The following NOL4L variants were observed in gnomAD, a reference collection of about 807,000 sequenced individuals.
The protein encoded by NOL4L is nucleolar protein 4 like, also known as nucleolar protein 4-like.
A neutral mutation model predicts 64.5 loss-of-function variants in NOL4L; 7 were observed. The ratio of observed to expected loss-of-function variants is 0.11; its 90% CI spans 0.06 to 0.20. The LOEUF is 0.20. NOL4L is among the 10% of genes least tolerant of loss of function. NOL4L has a pLI of 1.00. For missense variants in NOL4L, 680 were observed against 967.1 expected (o/e 0.70, Z 3.94); for synonymous variants, 413 against 401.0 (o/e 1.03, Z -0.36).
In NOL4L at chr20:32,474,709, T is replaced by A; in HGVS notation, c.733A>T (p.Met245Leu). Residue 245 changes from methionine (M) to leucine (L), a missense_variant, in exon 5 of 11, where the codon ATG becomes TTG. By Grantham distance (15) the Met-to-Leu change is conservative (BLOSUM62 2). Transcript: ENST00000621426. ...GCTGACATCCATGTGGAGTCGCTCA[T>A]ATCAAAATCCTCGCTGCTCACAGAA... is the stretch of plus-strand genomic sequence containing the variant. ...ETSVSSEDFD[M>L]SDSTWMSADP... is the part of the protein sequence containing the mutation. The A allele has an allele frequency of 6.2e-7, 1 of 1,613,446 alleles. No homozygotes were observed. The highest frequency in any genetic ancestry group is 8.5e-7 in the Non-Finnish European group (1 of 1,179,758).
intron 3 of NOL4L, among the ~76,000 whole-genome samples, chr20:32,515,678 G>A (rs1404893874): frequency 6.6e-6 from 1 of 152,160 alleles, no homozygotes; most frequent in Non-Finnish European, 1.5e-5. Flanking sequence ...CTTGGACTCT[G>A]AGACACGCCG....
At chr20:32,455,596 G>A (rs916469535) in intron 6 of NOL4L, among the ~76,000 whole-genome samples, 5 of 152,168 alleles carry the variant, frequency 3.3e-5, no homozygotes, top group African/African-American at 9.7e-5. Context: ...CAGGAAGCAG[G>A]GGGGATGCCC....
chr20:32,471,305 A>G (rs1032482368), intron 5 of NOL4L, among the ~76,000 whole-genome samples: 4 of 147,872 alleles, frequency 2.7e-5, no homozygotes, highest in African/African-American at 1.0e-4. Flanking sequence ...GCTCAGAGGC[A>G]TGCTCCTGGG....
chr20:32,447,965 G>T, intron 10 of NOL4L, 149 bp from the exon 11 acceptor site: 1 of 1,075,008 alleles, frequency 9.3e-7, no homozygotes, highest in Non-Finnish European at 1.3e-6. Flanking sequence ...TCTCCCTGAT[G>T]GCTCTATCCC....
chr20:32,536,128 T>C, intron 1 of NOL4L: 3 of 985,620 alleles, frequency 3.0e-6, no homozygotes, highest in Non-Finnish European at 3.6e-6. Context: ...ACCCAAATGA[T>C]GCACAAACAG....
rs778704594 is a variant in NOL4L at position 32,500,352 on chromosome 20, A to ATT, written c.699+10993_699+10994dup. Among the ~76,000 whole-genome samples the ATT allele has an allele frequency of 4.0e-3, 534 of 132,396 alleles. 11 individuals carry two copies. Among genetic ancestry groups the ATT allele is most frequent in the Admixed American group, 0.032 (425 of 13,106 alleles). The allele number at this position is 132,396 out of a possible 152,430, so 86.9% of individuals were successfully genotyped here. A position where few individuals can be genotyped will look rare whatever the true frequency, so the allele number is the denominator to read the frequency against. ...GGTGTAAGCCACCATGCCCAGCCAG[A>ATT]TTTTTTTTTTTTTTTTTTTGAGACG... On this transcript the variant is annotated intron_variant, in intron 4 of 10. Coordinates refer to ENST00000621426, the MANE Select transcript of NOL4L (RefSeq NM_001256798.2).
chr20:32,556,281 G>T (rs1406141328), intron 1 of NOL4L, among the ~76,000 whole-genome samples: 2 of 152,052 alleles, frequency 1.3e-5, no homozygotes, highest in Non-Finnish European at 2.9e-5. Flanking sequence ...TTGTGGGGGG[G>T]GGGGGTTTCC....
At chr20:32,538,974 T>C (rs747406329) in intron 1 of NOL4L, among the ~76,000 whole-genome samples, 9 of 150,584 alleles carry the variant, frequency 6.0e-5, no homozygotes, top group Non-Finnish European at 1.3e-4. Context: ...GAGAGCTGCT[T>C]TTGGGATGAG....
In NOL4L at chr20:32,446,421, GCCCGCC is replaced by G; in HGVS notation, c.*1169_*1174del. The G allele has an allele frequency of 6.6e-6, 1 of 152,462 alleles. No homozygotes were observed. The highest frequency in any genetic ancestry group is 1.9e-4 in the East Asian group (1 of 5,182). The allele number at this position is 152,462 out of a possible 1,614,324, so 9.4% of individuals were successfully genotyped here. A position where few individuals can be genotyped will look rare whatever the true frequency, so the allele number is the denominator to read the frequency against. ...ATGGCGCAAGGGGATGGGAGCTGCA[GCCCGCC>G]CTGGAGCTCACGGCTGCCTGATAGC... On this transcript the variant is annotated 3_prime_UTR_variant, in exon 11 of 11. Transcript: ENST00000621426.
intron 1 of NOL4L, among the ~76,000 whole-genome samples, chr20:32,576,360 A>G (rs1980103205): frequency 6.6e-6 from 1 of 152,172 alleles, no homozygotes; most frequent in African/African-American, 2.4e-5. Flanking sequence ...AGGTAGAACC[A>G]ACAGGATTTG....
chr20:32,461,416 C>CTTTTTT (rs1347135672), intron 5 of NOL4L, among the ~76,000 whole-genome samples: 2 of 61,162 alleles, frequency 3.3e-5, no homozygotes, highest in African/African-American at 1.0e-4. Flanking sequence ...CTCTACCTTT[C>CTTTTTT]TTTTCTTTTT....
chr20:32,583,649 C>G (rs1377952648), intron 1 of NOL4L, among the ~76,000 whole-genome samples: 2 of 149,782 alleles, frequency 1.3e-5, no homozygotes, highest in East Asian at 4.0e-4. Context: ...AGCGGCCGCC[C>G]CCCCCCCAGC....
At chr20:32,521,860 GC>G (rs1182925991) in intron 2 of NOL4L, among the ~76,000 whole-genome samples, 4 of 152,220 alleles carry the variant, frequency 2.6e-5, no homozygotes, top group African/African-American at 9.6e-5. Flanking sequence ...GCTTCCTGGA[GC>G]CTGGGTCCTC....
intron 5 of NOL4L, among the ~76,000 whole-genome samples, chr20:32,466,974 G>A (rs2014607057): frequency 6.6e-6 from 1 of 152,140 alleles, no homozygotes; most frequent in African/African-American, 2.4e-5. Context: ...ATGGGCCCAG[G>A]GGAGGGTGGG....
chr20:32,474,949 G>A (rs2015289542), intron 4 of NOL4L: 1 of 985,266 alleles, frequency 1.0e-6, no homozygotes, highest in Non-Finnish European at 1.2e-6. Flanking sequence ...GGAAGCCAAG[G>A]CTAAGGGCCG....
At chr20:32,545,244 G>C (rs1473412822) in intron 1 of NOL4L, among the ~76,000 whole-genome samples, 1 of 152,146 alleles carries the variant, frequency 6.6e-6, no homozygotes, top group African/African-American at 2.4e-5. Flanking sequence ...CTACACTCCA[G>C]CCTGGGTGAC....
Position 32,527,789 on chromosome 20 carries a change from T to A in NOL4L, c.446A>T (p.Lys149Met). The A allele has an allele frequency of 6.5e-7, 1 of 1,550,304 alleles. No individual in the cohort carries two copies. The highest frequency in any genetic ancestry group is 8.7e-7 in the Non-Finnish European group (1 of 1,146,768). ...GTAGGTTTTCTTCTGCCCAGCGTGC[T>A]TGGGGGCTTTGCCTGGCTCCGCTGA... The part of the protein sequence containing the change: ...ESSAEPGKAP[K>M]HAGQKKTYRA... Residue 149 changes from lysine (K) to methionine (M), a missense_variant, in exon 2 of 11, where the codon AAG becomes ATG. Transcript: ENST00000621426.
At chr20:32,467,641 G>A (rs1054574933) in intron 5 of NOL4L, among the ~76,000 whole-genome samples, 3 of 152,174 alleles carry the variant, frequency 2.0e-5, no homozygotes, top group Admixed American at 6.5e-5. Context: ...GAGGAAGACC[G>A]CCCACATCCA....
At chr20:32,530,563 C>T (rs1314246052) in intron 1 of NOL4L, among the ~76,000 whole-genome samples, 3 of 151,360 alleles carry the variant, frequency 2.0e-5, no homozygotes, top group Non-Finnish European at 4.4e-5. Flanking sequence ...ATGAATATAG[C>T]TGGGTTTCTA....
Sources: allele counts gnomAD v4.1 joint callset (sites outside exome capture counted in the v4.1 genomes callset), GRCh38; gene constraint gnomAD v4.1.1; transcripts MANE v1.5; gene names NCBI Gene and HGNC (gene_info 2026-07-23, HGNC 2026-07-21).